SRPRB: variants seen among roughly 807,000 people sequenced by gnomAD.
The protein encoded by SRPRB is signal recognition particle receptor subunit beta.
A neutral mutation model predicts 31.9 loss-of-function variants in SRPRB; 20 were observed. The observed-to-expected ratio is 0.63, with a 90% CI of 0.44 to 0.91. SRPRB has a LOEUF of 0.91. SRPRB is among the 40% of genes least tolerant of loss of function. The pLI, the probability that SRPRB is intolerant of heterozygous loss-of-function variation, is 0.00. For missense variants in SRPRB, 321 were observed against 324.9 expected (o/e 0.99, Z 0.09); for synonymous variants, 146 against 132.8 (o/e 1.10, Z -0.68).
chr3:133,792,809 A>G (rs1189554521), intron 1 of SRPRB: 1 of 152,202 alleles, frequency 6.6e-6, no homozygotes, highest in Non-Finnish European at 1.5e-5. Flanking sequence ...TATAAAAATT[A>G]ATATTGTAAA....
At chr3:133,825,251 G>T (rs1047464896), downstream of SRPRB, 3 of 152,184 alleles carry the variant, frequency 2.0e-5, no homozygotes, top group Admixed American at 6.5e-5. Flanking sequence ...AGCCAGGAGG[G>T]CCATCCCTTT....
intron 1 of SRPRB, among the ~76,000 whole-genome samples, chr3:133,799,163 C>T (rs1484423151): frequency 3.3e-5 from 5 of 152,156 alleles, no homozygotes; most frequent in Admixed American, 1.3e-4. Flanking sequence ...AGGGATGTTT[C>T]GCCAAATCTA....
chr3:133,823,284 A>T (rs1319837478), downstream of SRPRB, among the ~76,000 whole-genome samples: 1 of 150,760 alleles, frequency 6.6e-6, no homozygotes, highest in Non-Finnish European at 1.5e-5. Context: ...GTCGAGACAG[A>T]GTCTCACTCT....
intron 1 of SRPRB, chr3:133,793,118 A>G (rs1934881458): frequency 6.6e-6 from 1 of 152,192 alleles, no homozygotes; most frequent in Non-Finnish European, 1.5e-5. Context: ...ATGCAGTATT[A>G]AAAGATAATG....
intron 3 of SRPRB, chr3:133,810,894 A>G: frequency 2.3e-6 from 1 of 432,988 alleles, no homozygotes; most frequent in Non-Finnish European, 4.1e-6. Context: ...GTAATTTTAC[A>G]TTATGTTCAC....
intron 6 of SRPRB, 67 bp from the exon 7 acceptor site, chr3:133,819,486 G>A: frequency 6.9e-7 from 1 of 1,457,198 alleles, no homozygotes; most frequent in Non-Finnish European, 9.5e-7. Context: ...GAAATGTTTA[G>A]AAACTAATAT....
At chr3:133,817,400 G>A (rs1053175686) in intron 6 of SRPRB, among the ~76,000 whole-genome samples, 1 of 152,176 alleles carries the variant, frequency 6.6e-6, no homozygotes. Flanking sequence ...GGAAATTATT[G>A]TTGACAGAAT....
intron 4 of SRPRB, 41 bp from the exon 5 acceptor site, chr3:133,815,549 T>C (rs368686268): frequency 2.9e-5 from 46 of 1,611,730 alleles, no homozygotes; most frequent in Non-Finnish European, 3.7e-5. Context: ...GATGTCCTGT[T>C]ACACGTTCAC....
chr3:133,797,447 G>C (rs1934994014), intron 1 of SRPRB, among the ~76,000 whole-genome samples: 1 of 152,210 alleles, frequency 6.6e-6, no homozygotes, highest in Non-Finnish European at 1.5e-5. Flanking sequence ...TGTGTATAAA[G>C]TGGAAAACTC....
chr3:133,819,457 T>A, intron 6 of SRPRB, 96 bp from the exon 7 acceptor site: 1 of 1,173,290 alleles, frequency 8.5e-7, no homozygotes, highest in South Asian at 1.4e-5. Flanking sequence ...ATTCTATAGT[T>A]AAGTTTTAAA....
Position 133,819,836 on chromosome 3 carries a change from GA to G in SRPRB, c.*71del, listed in dbSNP as rs1935438697. On this transcript the variant is annotated 3_prime_UTR_variant, in exon 7 of 7. Coordinates refer to ENST00000678299, the MANE Select transcript of SRPRB (RefSeq NM_001379313.1). The stretch of plus-strand genomic sequence containing the variant: ...TTGGAAAAAGGTCTGTGGTAGTCTG[GA>G]GTTGATGAGGAAGGGGTACAAGATG... The G allele has an allele frequency of 7.2e-7, 1 of 1,386,502 alleles. No homozygotes were observed. The highest frequency in any genetic ancestry group is 1.9e-5 in the Admixed American group (1 of 52,488). 85.9% of individuals were successfully genotyped at this position (1,386,502 alleles called of 1,614,324 possible).
At position 133,820,770 on chromosome 3, in the gene SRPRB, A is replaced by G. The variant is rs1011108135; in HGVS notation, c.*1004A>G. The G allele has an allele frequency of 5.3e-5, 8 of 152,222 alleles. No individual in the cohort carries two copies. Among genetic ancestry groups the G allele is most frequent in the Admixed American group, 5.2e-4 (8 of 15,292 alleles). 9.4% of individuals were successfully genotyped at this position (152,222 alleles called of 1,614,324 possible). A position where few individuals can be genotyped will look rare whatever the true frequency, so the allele number is the denominator to read the frequency against. On this transcript the variant is annotated 3_prime_UTR_variant, in exon 7 of 7. Transcript: ENST00000678299. Reference sequence around the variant, plus strand: ...AAAGAAAACAGCCTGTCTGGCTCAAAGCAATTAAATAGAATGTAATGGTGA... The same window carrying G: ...AAAGAAAACAGCCTGTCTGGCTCAAGGCAATTAAATAGAATGTAATGGTGA...
chr3:133,820,912 C>T lies in SRPRB; in HGVS notation c.*1146C>T, dbSNP rs1935461060. 6.6e-6 allele frequency: 1 copy of T among 152,208 alleles called. No homozygotes were observed. The highest frequency in any genetic ancestry group is 6.5e-5 in the Admixed American group (1 of 15,280). The allele number at this position is 152,208 out of a possible 1,614,324, so 9.4% of individuals were successfully genotyped here. A position where few individuals can be genotyped will look rare whatever the true frequency, so the allele number is the denominator to read the frequency against. On this transcript the variant is annotated 3_prime_UTR_variant, in exon 7 of 7. Transcript: ENST00000678299. ...CTACCCCACACACTCAGGGACAAGC[C>T]CAACTAAAGCTTACAAGGAGACCAG...
chr3:133,800,082 T>C (rs571483659), intron 1 of SRPRB, among the ~76,000 whole-genome samples: 11 of 152,220 alleles, frequency 7.2e-5, no homozygotes, highest in Non-Finnish European at 8.8e-5. Context: ...AGCCTATGAC[T>C]GAGGCTCAGG....
At chr3:133,812,587 T>G (rs1307838101) in intron 4 of SRPRB, among the ~76,000 whole-genome samples, 2 of 152,258 alleles carry the variant, frequency 1.3e-5, no homozygotes, top group Non-Finnish European at 2.9e-5. Flanking sequence ...ATGTGACTTT[T>G]TTTTAATCCT....
downstream of SRPRB, chr3:133,827,972 A>G (rs930343835): frequency 2.0e-5 from 14 of 702,812 alleles, no homozygotes; most frequent in Admixed American, 1.8e-4. Context: ...CGCAGCTGCA[A>G]TTGCCAACAG....
chr3:133,800,773 G>A (rs187892093), intron 1 of SRPRB, among the ~76,000 whole-genome samples: 45 of 152,306 alleles, frequency 3.0e-4, no homozygotes, highest in African/African-American at 9.6e-4. Context: ...GCACAGCAAT[G>A]GACACAGTAG....
At chr3:133,823,613 C>T (rs529040228), downstream of SRPRB, among the ~76,000 whole-genome samples, 49 of 152,222 alleles carry the variant, frequency 3.2e-4, no homozygotes, top group South Asian at 5.2e-3. Flanking sequence ...GTGAGATTCC[C>T]GGGCAAGGGC....
upstream of SRPRB, among the ~76,000 whole-genome samples, chr3:133,805,252 C>T (rs1350230413): frequency 6.6e-6 from 1 of 152,132 alleles, no homozygotes; most frequent in African/African-American, 2.4e-5. Flanking sequence ...ACTTAGGGTT[C>T]CCACATACAT....
Sources: gnomAD v4.1 joint callset for allele counts (sites outside exome capture counted in the v4.1 genomes callset) on GRCh38, gnomAD v4.1.1 for gene constraint, MANE v1.5 for transcripts, NCBI Gene and HGNC (gene_info 2026-07-23, HGNC 2026-07-21) for gene names.